Variants in PAX8 observed in about 807,000 individuals in gnomAD.
The protein encoded by PAX8 is paired box 8.
Under a neutral mutation model 52.4 loss-of-function variants are expected in PAX8, and 15 were observed. That is an observed-to-expected ratio of 0.29 (90% confidence interval 0.19 to 0.44). The LOEUF is 0.44. Ranked by LOEUF, PAX8 falls within the 20% of genes least tolerant of loss-of-function variation. The pLI is 1.00. For synonymous variants in PAX8, 284 were observed against 249.7 expected (o/e 1.14, Z -1.29); for missense variants, 554 against 602.5 (o/e 0.92, Z 0.84).
chr2:113,217,347 C>G lies in PAX8; in HGVS notation c.*1186G>C, dbSNP rs937780091. On this transcript the variant is annotated 3_prime_UTR_variant, in exon 12 of 12. Transcript: ENST00000429538. ...CCGGGATGCCTCCTTCCCCAGCCAA[C>G]CCCAAAGCCTGAGATGAAGAGCAAT... The G allele has an allele frequency of 2.5e-4, 57 of 225,370 alleles. No homozygotes were observed. Among genetic ancestry groups the G allele is most frequent in the Admixed American group, 9.7e-4 (17 of 17,502 alleles). 14.0% of individuals were successfully genotyped at this position (225,370 alleles called of 1,614,324 possible).
At chr2:113,229,560 A>C (rs200551749) in intron 9 of PAX8, among the ~76,000 whole-genome samples, 1 of 152,196 alleles carries the variant, frequency 6.6e-6, no homozygotes, top group East Asian at 1.9e-4. Flanking sequence ...ATGGGGTGAA[A>C]CCCACTAGAA....
intron 2 of PAX8, among the ~76,000 whole-genome samples, chr2:113,252,259 A>G (rs1370808911): frequency 1.3e-5 from 2 of 152,176 alleles, no homozygotes; most frequent in Non-Finnish European, 2.9e-5. Flanking sequence ...AAATCATGCC[A>G]GGCCTATACG....
intron 9 of PAX8, among the ~76,000 whole-genome samples, chr2:113,233,364 A>G (rs61423627): frequency 0.041 from 6,180 of 151,072 alleles, 217 homozygotes; most frequent in South Asian, 0.15. Flanking sequence ...CCAGCCAGAA[A>G]GAAAATGTAG....
intron 7 of PAX8, chr2:113,241,324 G>T: frequency 1.6e-6 from 1 of 623,836 alleles, no homozygotes; most frequent in Non-Finnish European, 2.9e-6. Context: ...GAAAGGCCCA[G>T]GCTCAAAGGT....
At chr2:113,236,942 G>A (rs1690410985) in intron 7 of PAX8, 2 of 585,658 alleles carry the variant, frequency 3.4e-6, no homozygotes, top group South Asian at 2.2e-5. Context: ...TAGCATGGGT[G>A]CCCAGACGTG....
intron 9 of PAX8, among the ~76,000 whole-genome samples, chr2:113,228,851 T>C (rs1193787946): frequency 6.6e-6 from 1 of 152,190 alleles, no homozygotes; most frequent in African/African-American, 2.4e-5. Flanking sequence ...TGCCTGGTCA[T>C]GACAGAAGGG....
Position 113,220,147 on chromosome 2 carries a change from G to A in PAX8, c.1221C>T (p.His407=). ...CCTCGCTGTAGGAGGAGTAGGGGGTGTGGCCATAGGCATTGCCAGAGTATT... is the reference window on the plus strand; with the variant it reads ...CCTCGCTGTAGGAGGAGTAGGGGGTATGGCCATAGGCATTGCCAGAGTATT... ...GSEYSGNAYG[H]TPYSSYSEAW... is the part of the protein sequence containing the mutation. Residue 407 remains histidine, a synonymous_variant, in exon 11 of 12, where the codon CAC becomes CAT. Transcript: ENST00000429538. 1.2e-6 allele frequency: 2 copies of A among 1,614,012 alleles called. No individual in the cohort carries two copies. The highest frequency in any genetic ancestry group is 1.7e-6 in the Non-Finnish European group (2 of 1,179,936).
intron 2 of PAX8, chr2:113,274,022 G>A (rs984709180): frequency 3.9e-5 from 6 of 151,960 alleles, no homozygotes; most frequent in East Asian, 1.9e-4. Flanking sequence ...CATTCCAGAC[G>A]TGCGTGTGTG....
intron 10 of PAX8, among the ~76,000 whole-genome samples, chr2:113,224,784 C>G (rs552062819): frequency 4.0e-5 from 5 of 125,352 alleles, no homozygotes; most frequent in Non-Finnish European, 8.5e-5. Context: ...TTAATGGAGT[C>G]AAAACAAAAA....
At chr2:113,218,672 C>A in intron 11 of PAX8, 63 bp from the exon 12 acceptor site, 1 of 1,045,028 alleles carries the variant, frequency 9.6e-7, no homozygotes. Flanking sequence ...TGCACCATAG[C>A]CTTCCCTGCA....
At chr2:113,277,266 AG>A (rs973977174) in intron 2 of PAX8, among the ~76,000 whole-genome samples, 6 of 152,132 alleles carry the variant, frequency 3.9e-5, no homozygotes, top group African/African-American at 1.4e-4. Context: ...CCGGCGCCCC[AG>A]GGGGTTCCCG....
intron 2 of PAX8, among the ~76,000 whole-genome samples, chr2:113,249,090 C>T (rs1691562654): frequency 6.6e-6 from 1 of 152,252 alleles, no homozygotes; most frequent in Non-Finnish European, 1.5e-5. Flanking sequence ...TCCTGGTGGA[C>T]ACAACGGGTG....
intron 9 of PAX8, among the ~76,000 whole-genome samples, chr2:113,229,789 C>A (rs1432108413): frequency 1.3e-5 from 2 of 152,128 alleles, no homozygotes; most frequent in Non-Finnish European, 2.9e-5. Flanking sequence ...GAAGCACCGG[C>A]TAGGCAAGAG....
chr2:113,217,535 A>G lies in PAX8; in HGVS notation c.*998T>C, dbSNP rs1689069647. 8.7e-6 allele frequency: 2 copies of G among 230,644 alleles called. No individual in the cohort carries two copies. Among genetic ancestry groups the G allele is most frequent in the East Asian group, 1.2e-4 (2 of 16,250 alleles). 14.3% of individuals were successfully genotyped at this position (230,644 alleles called of 1,614,324 possible). A position where few individuals can be genotyped will look rare whatever the true frequency, so the allele number is the denominator to read the frequency against. Reference sequence around the variant, plus strand: ...CCAAACAAAGTTTCATTTACAGTATATACAGTCAGGCCTTGGGGGCAGGAG... The same window carrying G: ...CCAAACAAAGTTTCATTTACAGTATGTACAGTCAGGCCTTGGGGGCAGGAG... On this transcript the variant is annotated 3_prime_UTR_variant, in exon 12 of 12. Transcript: ENST00000429538.
intron 2 of PAX8, among the ~76,000 whole-genome samples, chr2:113,262,395 A>C (rs1437315839): frequency 1.3e-5 from 2 of 152,000 alleles, no homozygotes; most frequent in African/African-American, 4.8e-5. Context: ...CCTCTGTTGG[A>C]GCAATAGGAA....
At chr2:113,243,430 C>T (rs142265926) in intron 4 of PAX8, among the ~76,000 whole-genome samples, 30 of 151,716 alleles carry the variant, frequency 2.0e-4, no homozygotes, top group African/African-American at 5.8e-4. Flanking sequence ...TTGCTCTTGT[C>T]GCCCAGGCTG....
At chr2:113,224,827 AATAAAATAAAAT>A (rs1267268842) in intron 10 of PAX8, among the ~76,000 whole-genome samples, 2 of 144,132 alleles carry the variant, frequency 1.4e-5, no homozygotes, top group Non-Finnish European at 3.0e-5. Flanking sequence ...AAAAAAATAA[AATAAAATAAAAT>A]ATAAAATAAA....
At chr2:113,245,171 C>G (rs565049222) in intron 3 of PAX8, among the ~76,000 whole-genome samples, 3 of 151,998 alleles carry the variant, frequency 2.0e-5, no homozygotes, top group Non-Finnish European at 4.4e-5. Flanking sequence ...CTCAGCCTCC[C>G]GAGTAGCTGG....
Position 113,220,142 on chromosome 2 carries a change from G to C in PAX8, c.1226C>G (p.Pro409Arg), listed in dbSNP as rs369313070. 1.6e-5 allele frequency: 26 copies of C among 1,614,016 alleles called. No individual in the cohort carries two copies. The highest frequency in any genetic ancestry group is 3.3e-5 in the Admixed American group (2 of 60,016). Residue 409 changes from proline (P) to arginine (R), a missense_variant, in exon 11 of 12, where the codon CCC becomes CGC. Pro to Arg is a moderately radical substitution (Grantham distance 103). Transcript: ENST00000429538. The part of the protein sequence containing the change: ...EYSGNAYGHT[P>R]YSSYSEAWRF... The stretch of plus-strand genomic sequence containing the variant: ...CCAGGCCTCGCTGTAGGAGGAGTAG[G>C]GGGTGTGGCCATAGGCATTGCCAGA...
Sources: gnomAD v4.1 joint callset for allele counts (sites outside exome capture counted in the v4.1 genomes callset) on GRCh38, gnomAD v4.1.1 for gene constraint, MANE v1.5 for transcripts, NCBI Gene and HGNC (gene_info 2026-07-23, HGNC 2026-07-21) for gene names.